The following FRMPD4 variants were observed in gnomAD, a reference collection of about 807,000 sequenced individuals.
The protein encoded by FRMPD4 is FERM and PDZ domain containing 4.
Under a neutral mutation model 94.1 loss-of-function variants are expected in FRMPD4, and 22 were observed. The ratio of observed to expected loss-of-function variants is 0.23; its 90% CI spans 0.17 to 0.33. The LOEUF (loss-of-function observed/expected upper bound fraction) is 0.33. Among genes scored for constraint, FRMPD4 ranks in the 10% least tolerant of loss-of-function variants. The probability of loss-of-function intolerance (pLI) is 1.00; values close to 1 mark genes in which losing one functional copy is unlikely to be tolerated. For synonymous variants in FRMPD4, 631 were observed against 548.6 expected (o/e 1.15, Z -2.10); for missense variants, 1,111 against 1,339.9 (o/e 0.83, Z 2.67).
At chrX:12,642,977 G>A (rs913097421) in intron 4 of FRMPD4, among the ~76,000 whole-genome samples, 2 of 111,858 alleles carry the variant, frequency 1.8e-5, no homozygotes, top group Non-Finnish European at 3.8e-5. Flanking sequence ...ATAGAGTAGA[G>A]TAGTTGCAGC....
chrX:12,121,111 C>A (rs2521475), intron 3 of FRMPD4, among the ~76,000 whole-genome samples: 57,392 of 107,465 alleles, frequency 0.53, 13,144 homozygotes, highest in Non-Finnish European at 0.74. Flanking sequence ...AATACTACTA[C>A]TAATAATAAT....
At chrX:11,906,792 T>C (rs2053970712) in intron 3 of FRMPD4, among the ~76,000 whole-genome samples, 1 of 111,424 alleles carries the variant, frequency 9.0e-6, no homozygotes, top group African/African-American at 3.3e-5. Context: ...AAATTATTTC[T>C]TGAAATATTC....
At chrX:11,992,730 T>C (rs1450029195) in intron 3 of FRMPD4, among the ~76,000 whole-genome samples, 3 of 111,587 alleles carry the variant, frequency 2.7e-5, no homozygotes, top group Non-Finnish European at 3.8e-5. Flanking sequence ...CAAGCCCCAC[T>C]GGAGTTCTAT....
At chrX:12,019,445 G>C (rs1055279309) in intron 3 of FRMPD4, among the ~76,000 whole-genome samples, 3 of 109,228 alleles carry the variant, frequency 2.7e-5, no homozygotes, top group African/African-American at 1.0e-4. Context: ...TTTACACTCT[G>C]TTGCTAGATT....
chrX:12,173,507 T>C (rs193115438), intron 1 of FRMPD4, among the ~76,000 whole-genome samples: 1 of 112,506 alleles, frequency 8.9e-6, no homozygotes, highest in East Asian at 2.8e-4. Flanking sequence ...ATCTGAAGTA[T>C]GAACAGAGTG....
intron 1 of FRMPD4, among the ~76,000 whole-genome samples, chrX:12,393,526 A>G (rs1471742447): frequency 8.9e-6 from 1 of 111,999 alleles, no homozygotes; most frequent in African/African-American, 3.2e-5. Flanking sequence ...AGAACTGTAA[A>G]TTTCTAAAGA....
chrX:12,659,309 C>T (rs2059691320), intron 4 of FRMPD4, among the ~76,000 whole-genome samples: 1 of 113,091 alleles, frequency 8.8e-6, no homozygotes, highest in Non-Finnish European at 1.9e-5. Flanking sequence ...TCATCTTCAG[C>T]ATGCTGCATT....
Position 12,269,944 on chromosome X carries a change from G to C in FRMPD4, c.41+130932G>C, listed in dbSNP as rs150435602. On this transcript the variant is annotated intron_variant, in intron 1 of 16. Transcript: ENST00000675598. ...TTAGAGGTTGGCATAGGTGAGGGGA[G>C]TGAGAAATATGGAGAATAATGAGAA... 5.3e-5 allele frequency among the ~76,000 whole-genome samples: 6 copies of C among 112,344 alleles called. No individual in the cohort carries two copies. The South Asian group carries it at 1.1e-3, about 21-fold the overall frequency.
chrX:12,337,101 CTT>C (rs2055539002), intron 1 of FRMPD4, among the ~76,000 whole-genome samples: 1 of 111,511 alleles, frequency 9.0e-6, no homozygotes, highest in African/African-American at 3.3e-5. Context: ...TCTGTAGACA[CTT>C]TGACCAACAA....
chrX:12,374,456 C>G (rs1164822757), intron 1 of FRMPD4, among the ~76,000 whole-genome samples: 1 of 112,148 alleles, frequency 8.9e-6, no homozygotes, highest in African/African-American at 3.2e-5. Flanking sequence ...GCCTGGCCAG[C>G]TCTACTTGTT....
chrX:11,840,248 G>C (rs2053526592), intron 1 of FRMPD4, among the ~76,000 whole-genome samples: 1 of 111,031 alleles, frequency 9.0e-6, no homozygotes, highest in Non-Finnish European at 1.9e-5. Context: ...AATTCTCTCA[G>C]CAATGTTTTG....
At chrX:12,431,725 T>C (rs1208819516) in intron 1 of FRMPD4, among the ~76,000 whole-genome samples, 1 of 112,345 alleles carries the variant, frequency 8.9e-6, no homozygotes, top group African/African-American at 3.2e-5. Flanking sequence ...AAATCATCTA[T>C]AATAAAATTC....
intron 1 of FRMPD4, among the ~76,000 whole-genome samples, chrX:11,844,153 ATT>A (rs35079439): frequency 3.2e-4 from 29 of 91,140 alleles, no homozygotes; most frequent in Non-Finnish European, 3.3e-4. Context: ...ACACCCAGCT[ATT>A]TTTTTTTTTT....
intron 1 of FRMPD4, among the ~76,000 whole-genome samples, chrX:12,229,795 G>A (rs1274072953): frequency 8.9e-6 from 1 of 111,876 alleles, no homozygotes; most frequent in Non-Finnish European, 1.9e-5. Context: ...CCTGGAACAT[G>A]TCTATGCCAG....
intron 13 of FRMPD4, among the ~76,000 whole-genome samples, 172 bp downstream of exon 13, chrX:12,707,823 T>C (rs1013944496): frequency 2.7e-5 from 3 of 112,518 alleles, no homozygotes; most frequent in Non-Finnish European, 5.6e-5. Context: ...CCTCACTAAA[T>C]CGCTGTGTGA....
At chrX:11,922,987 C>T (rs189793994) in intron 3 of FRMPD4, among the ~76,000 whole-genome samples, 14 of 112,625 alleles carry the variant, frequency 1.2e-4, no homozygotes, top group South Asian at 1.1e-3. Flanking sequence ...CTCTGGGGAC[C>T]CACACCATAA....
chrX:12,323,070 G>A (rs2055233931), intron 1 of FRMPD4, among the ~76,000 whole-genome samples: 1 of 111,559 alleles, frequency 9.0e-6, no homozygotes, highest in Non-Finnish European at 1.9e-5. Context: ...TTCTGAGTAT[G>A]GGTCACAGTC....
chrX:12,057,634 G>A (rs2054861820), intron 3 of FRMPD4, among the ~76,000 whole-genome samples: 1 of 111,339 alleles, frequency 9.0e-6, no homozygotes, highest in African/African-American at 3.3e-5. Context: ...GAATTTCCAT[G>A]GGTCAGGAAG....
chrX:12,168,927 A>T (rs1355263120), intron 1 of FRMPD4, among the ~76,000 whole-genome samples: 1 of 111,917 alleles, frequency 8.9e-6, no homozygotes, highest in African/African-American at 3.2e-5. Context: ...GCCTGGCAAG[A>T]CACTGACTCT....
Sources: gnomAD v4.1 joint callset for allele counts (sites outside exome capture counted in the v4.1 genomes callset) on GRCh38, gnomAD v4.1.1 for gene constraint, MANE v1.5 for transcripts, NCBI Gene and HGNC (gene_info 2026-07-23, HGNC 2026-07-21) for gene names.